Variants in DYNC2LI1 observed in about 807,000 individuals in gnomAD.
The protein encoded by DYNC2LI1 is cytoplasmic dynein 2 light intermediate chain 1.
DYNC2LI1 carries 45 observed loss-of-function variants against 51.9 expected under a neutral mutation model. That is an observed-to-expected ratio of 0.87 (90% confidence interval 0.68 to 1.11). DYNC2LI1 has a LOEUF of 1.11. Among genes scored for constraint, DYNC2LI1 ranks in the 50% most tolerant of loss-of-function variants. The pLI is 0.00. For synonymous variants in DYNC2LI1, 130 were observed against 137.8 expected, an observed-to-expected ratio of 0.94 and a Z score of 0.40; for missense variants, 490 against 417.4, an observed-to-expected ratio of 1.17 and a Z score of -1.51.
chr2:43,809,582 T>A (rs916885861), intron 12 of DYNC2LI1, 123 bp from the exon 13 acceptor site: 9 of 693,804 alleles, frequency 1.3e-5, no homozygotes, highest in African/African-American at 1.1e-4. Flanking sequence ...GCAAGAAATA[T>A]TTAGAATGAT....
rs199684493 is a variant in DYNC2LI1 at position 43,774,160 on chromosome 2, C to T, written c.8+14C>T. ...GACGATGCCCAGGTATTCCCTGAAC[C>T]CGGCTTGCGTGGGAAAGGCTACTGA... On this transcript the variant is annotated intron_variant, in intron 1 of 12. Transcript: ENST00000260605. 271 of 1,613,904 alleles carry T rather than the reference C, an allele frequency of 1.7e-4. No individual in the cohort carries two copies. The African/African-American group carries it at 3.3e-3, about 20-fold the overall frequency.
chr2:43,825,167 G>A, the DYNC2LI1 span: 1 of 906,668 alleles, frequency 1.1e-6, no homozygotes, highest in Non-Finnish European at 1.7e-6. Flanking sequence ...TAAGCAGTCA[G>A]TCCTTCGATG....
At chr2:43,792,681 G>C (rs921455982) in intron 5 of DYNC2LI1, 1 of 1,543,262 alleles carries the variant, frequency 6.5e-7, no homozygotes, top group African/African-American at 1.4e-5. Flanking sequence ...CCCAGCTCCT[G>C]GCAACTATCA....
At chr2:43,806,778 A>C (rs1666274134) in intron 12 of DYNC2LI1, among the ~76,000 whole-genome samples, 1 of 152,166 alleles carries the variant, frequency 6.6e-6, no homozygotes, top group African/African-American at 2.4e-5. Context: ...ATGACTTAAA[A>C]CCATAAGAAT....
intron 8 of DYNC2LI1, 89 bp from the exon 9 acceptor site, chr2:43,800,752 A>G: frequency 1.6e-6 from 1 of 632,952 alleles, no homozygotes; most frequent in Non-Finnish European, 2.6e-6. Flanking sequence ...TCTCTTTGTA[A>G]TCTGTATTTG....
intron 9 of DYNC2LI1, 112 bp downstream of exon 9, chr2:43,801,029 C>T (rs1666063044): frequency 6.8e-6 from 3 of 440,564 alleles, no homozygotes; most frequent in Admixed American, 4.0e-5. Context: ...GAAAGTGACC[C>T]AGATGGCTTT....
intron 8 of DYNC2LI1, 111 bp from the exon 9 acceptor site, chr2:43,800,730 C>G (rs557217704): frequency 2.4e-5 from 13 of 539,324 alleles, no homozygotes; most frequent in African/African-American, 1.8e-4. Flanking sequence ...TGCTGGGCAA[C>G]AAAACAGTGA....
intron 5 of DYNC2LI1, chr2:43,792,566 C>G: frequency 9.0e-7 from 1 of 1,116,638 alleles, no homozygotes. Flanking sequence ...CTGTGCAGTT[C>G]AGTAACATCA....
chr2:43,822,761 G>T, the DYNC2LI1 span: 10 of 1,613,822 alleles, frequency 6.2e-6, no homozygotes, highest in Admixed American at 1.2e-4. Flanking sequence ...TGACTCCATG[G>T]GAGCCCGGCC....
chr2:43,814,226 A>G (rs188211941), downstream of DYNC2LI1, among the ~76,000 whole-genome samples: 1 of 152,294 alleles, frequency 6.6e-6, no homozygotes, highest in East Asian at 1.9e-4. Flanking sequence ...ACCTCAGTGT[A>G]CATAAGGTCT....
chr2:43,790,189 G>A (rs1392382860), intron 5 of DYNC2LI1, among the ~76,000 whole-genome samples: 4 of 152,168 alleles, frequency 2.6e-5, no homozygotes, highest in Non-Finnish European at 4.4e-5. Context: ...AAGAGAGAAA[G>A]TCTCTCCGTT....
At chr2:43,798,292 A>G (rs998367418) in intron 8 of DYNC2LI1, among the ~76,000 whole-genome samples, 1 of 152,218 alleles carries the variant, frequency 6.6e-6, no homozygotes, top group African/African-American at 2.4e-5. Context: ...TATACCTTTC[A>G]AAACATTACA....
rs965105481 is a variant in DYNC2LI1 at position 43,809,922 on chromosome 2, T to C, written c.*155T>C. On this transcript the variant is annotated 3_prime_UTR_variant, in exon 13 of 13. Transcript: ENST00000260605. ...TCTTGGACTAGTGCATCTCCCTGTA[T>C]ATCTTGAAGCTTTTTAAAAGGAAAA... The C allele has an allele frequency of 3.6e-6, 5 of 1,378,096 alleles. No homozygotes were observed. The highest frequency in any genetic ancestry group is 4.7e-6 in the Non-Finnish European group (5 of 1,064,646). The allele number at this position is 1,378,096 out of a possible 1,614,324, so 85.4% of individuals were successfully genotyped here.
chr2:43,784,158 G>C, intron 3 of DYNC2LI1, among the ~76,000 whole-genome samples: 1 of 152,268 alleles, frequency 6.6e-6, no homozygotes, highest in Non-Finnish European at 1.5e-5. Context: ...ATGGAATTTG[G>C]TGTTAAGGTC....
At chr2:43,822,470 T>TCCC in the DYNC2LI1 span, 1 of 354,564 alleles carries the variant, frequency 2.8e-6, no homozygotes, top group Non-Finnish European at 3.6e-6. Flanking sequence ...CTTTCTCCCC[T>TCCC]CCCCCAGGCC....
chr2:43,787,595 G>A (rs1186956074), intron 4 of DYNC2LI1, among the ~76,000 whole-genome samples: 6 of 152,124 alleles, frequency 3.9e-5, no homozygotes, highest in Non-Finnish European at 7.3e-5. Flanking sequence ...AAAATATACT[G>A]TTTAAAATCT....
Position 43,804,208 on chromosome 2 carries a change from G to C in DYNC2LI1, c.803-434G>C, listed in dbSNP as rs576605182. On this transcript the variant is annotated intron_variant, in intron 10 of 12. Transcript: ENST00000260605. ...ACTGTTGGATAGTGTTACAGAGCAT[G>C]GCTATGCATAGTAATTAATGCACTG... Among the ~76,000 whole-genome samples, 71 of 152,246 alleles carry C rather than the reference G, an allele frequency of 4.7e-4. 1 individual carries two copies. Among genetic ancestry groups the C allele is most frequent in the Middle Eastern group, 6.8e-3 (2 of 294 alleles).
intron 2 of DYNC2LI1, among the ~76,000 whole-genome samples, chr2:43,782,801 G>T (rs988761651): frequency 6.6e-6 from 1 of 151,982 alleles, no homozygotes; most frequent in African/African-American, 2.4e-5. Flanking sequence ...AGCCAACATG[G>T]CAAAACCTTG....
In DYNC2LI1 at chr2:43,794,482, G is replaced by C. The variant is rs1343130453; in HGVS notation, c.346G>C (p.Asp116His). 1 of 1,612,990 alleles carries C rather than the reference G, an allele frequency of 6.2e-7. No homozygotes were observed. The highest frequency in any genetic ancestry group is 2.2e-5 in the East Asian group (1 of 44,832). ...LRTFSLVLVLDLSKPNDLWPT... is the reference protein window; with the variant it reads ...LRTFSLVLVLHLSKPNDLWPT... ...GACGTTTTCTCTTGTTCTCGTTCTG[G>C]ATCTTTCAAAACCTAATGATCTCTG... The change falls in exon 6 of 13, where the codon GAT (aspartate) becomes CAT (histidine). Residue 116 changes from aspartate to histidine, a missense_variant. By Grantham distance (81) the Asp-to-His change is moderately conservative (BLOSUM62 -1). Transcript: ENST00000260605.
Sources: allele counts gnomAD v4.1 joint callset (sites outside exome capture counted in the v4.1 genomes callset), GRCh38; gene constraint gnomAD v4.1.1; transcripts MANE v1.5; gene names NCBI Gene and HGNC (gene_info 2026-07-23, HGNC 2026-07-21).